RAB3IP: variants seen among roughly 807,000 people sequenced by gnomAD.
RAB3IP encodes the protein RAB3A interacting protein.
A neutral mutation model predicts 59.1 loss-of-function variants in RAB3IP; 36 were observed. The observed-to-expected ratio is 0.61, with a 90% CI of 0.47 to 0.80. The LOEUF is 0.80. Ranked by LOEUF, RAB3IP falls within the 30% of genes least tolerant of loss-of-function variation. The pLI, the probability that RAB3IP is intolerant of heterozygous loss-of-function variation, is 0.00. For missense variants in RAB3IP, 511 were observed against 536.0 expected (o/e 0.95, Z 0.46); for synonymous variants, 207 against 191.2 (o/e 1.08, Z -0.68).
chr12:69,806,582 T>A (rs1211783091), intron 8 of RAB3IP, among the ~76,000 whole-genome samples: 2 of 147,378 alleles, frequency 1.4e-5, no homozygotes, highest in African/African-American at 4.9e-5. Context: ...TTTTTTTTTT[T>A]TTTTTTTTTT....
chr12:69,769,354 C>T (rs1872739491), intron 3 of RAB3IP, among the ~76,000 whole-genome samples: 1 of 152,172 alleles, frequency 6.6e-6, no homozygotes, highest in Non-Finnish European at 1.5e-5. Flanking sequence ...TCCAAGTTAA[C>T]TCCAGGGATT....
intron 3 of RAB3IP, among the ~76,000 whole-genome samples, chr12:69,779,684 ATTTTTT>A (rs34446445): frequency 7.0e-6 from 1 of 143,756 alleles, no homozygotes; most frequent in African/African-American, 2.5e-5. Context: ...TAGCTAGGGA[ATTTTTT>A]TTTTTTTTTC....
intron 3 of RAB3IP, among the ~76,000 whole-genome samples, chr12:69,782,357 G>T (rs1202392985): frequency 6.6e-6 from 1 of 152,142 alleles, no homozygotes; most frequent in Non-Finnish European, 1.5e-5. Context: ...TAGAGACGGG[G>T]TTTCACCATG....
At chr12:69,771,765 G>A (rs1328196533) in intron 3 of RAB3IP, among the ~76,000 whole-genome samples, 1 of 152,170 alleles carries the variant, frequency 6.6e-6, no homozygotes, top group South Asian at 2.1e-4. Flanking sequence ...CACCAACACT[G>A]TATGAAAGAT....
chr12:69,789,078 A>C (rs182172210), intron 4 of RAB3IP, among the ~76,000 whole-genome samples: 38 of 152,148 alleles, frequency 2.5e-4, no homozygotes, highest in African/African-American at 8.7e-4. Context: ...TACATTAAAA[A>C]AGAAGAACAA....
intron 8 of RAB3IP, among the ~76,000 whole-genome samples, chr12:69,802,634 T>C (rs1038465659): frequency 1.3e-5 from 2 of 152,214 alleles, no homozygotes; most frequent in African/African-American, 4.8e-5. Flanking sequence ...CTGGAAAGAC[T>C]GAGAGAGCTC....
intron 3 of RAB3IP, among the ~76,000 whole-genome samples, chr12:69,762,756 C>CAAAAAAA (rs11445702): frequency 5.5e-3 from 424 of 76,546 alleles, no homozygotes; most frequent in East Asian, 0.011. Flanking sequence ...GACTCCGTCT[C>CAAAAAAA]AAAAAAAAAA....
intron 8 of RAB3IP, among the ~76,000 whole-genome samples, chr12:69,810,081 A>C (rs918172145): frequency 6.6e-6 from 1 of 152,092 alleles, no homozygotes. Context: ...TTTTTGGTGC[A>C]GATGTCCTTT....
intron 3 of RAB3IP, among the ~76,000 whole-genome samples, chr12:69,765,715 G>C (rs549034987): frequency 6.6e-6 from 1 of 152,326 alleles, no homozygotes; most frequent in South Asian, 2.1e-4. Context: ...CAGGTGCTTT[G>C]AATGCATGGA....
intron 1 of RAB3IP, among the ~76,000 whole-genome samples, chr12:69,752,176 C>T (rs529618846): frequency 1.3e-5 from 2 of 151,408 alleles, no homozygotes; most frequent in African/African-American, 2.4e-5. Flanking sequence ...GCTAATTTTA[C>T]AACTTTTTGT....
chr12:69,751,437 G>C (rs1349915216), intron 1 of RAB3IP, among the ~76,000 whole-genome samples: 4 of 152,094 alleles, frequency 2.6e-5, no homozygotes, highest in Non-Finnish European at 5.9e-5. Flanking sequence ...GGTGCGCATG[G>C]CTCCTGAGTT....
At chr12:69,755,925 G>C (rs2136127726) in intron 2 of RAB3IP, among the ~76,000 whole-genome samples, 1 of 152,324 alleles carries the variant, frequency 6.6e-6, no homozygotes, top group East Asian at 1.9e-4. Flanking sequence ...AGCAGCCATA[G>C]ACAGTATGTA....
chr12:69,749,847 A>G (rs2136111205), intron 1 of RAB3IP, among the ~76,000 whole-genome samples: 1 of 152,254 alleles, frequency 6.6e-6, no homozygotes, highest in Non-Finnish European at 1.5e-5. Context: ...CTCCTACTCT[A>G]ATAGGCTGTT....
In RAB3IP at chr12:69,808,065, C is replaced by T. The variant is rs376321597; in HGVS notation, c.1131-4713C>T. 1.8e-4 allele frequency among the ~76,000 whole-genome samples: 28 copies of T among 152,296 alleles called. No individual in the cohort carries two copies. In the East Asian group the frequency reaches 2.9e-3, roughly 16 times the overall value. On this transcript the variant is annotated intron_variant, in intron 8 of 10. Coordinates refer to ENST00000247833, the MANE Select transcript of RAB3IP (RefSeq NM_022456.5). ...TTCCCTCTACACACTGCTTTGAATGCGTCCCAGAGATTCTGGTATGTTGTG... is the reference window on the plus strand; with the variant it reads ...TTCCCTCTACACACTGCTTTGAATGTGTCCCAGAGATTCTGGTATGTTGTG...
At chr12:69,742,085 C>T (rs1022820191) in intron 1 of RAB3IP, among the ~76,000 whole-genome samples, 4 of 152,038 alleles carry the variant, frequency 2.6e-5, no homozygotes, top group Non-Finnish European at 5.9e-5. Context: ...AAATGTAGAA[C>T]GCACTTTACA....
chr12:69,814,540 A>G (rs938018170), intron 10 of RAB3IP, among the ~76,000 whole-genome samples: 1 of 151,994 alleles, frequency 6.6e-6, no homozygotes, highest in Non-Finnish European at 1.5e-5. Context: ...GGTCTTGTGC[A>G]TTTGTAAGAT....
intron 3 of RAB3IP, among the ~76,000 whole-genome samples, chr12:69,783,677 C>A (rs183547161): frequency 6.6e-6 from 1 of 152,310 alleles, no homozygotes; most frequent in East Asian, 1.9e-4. Context: ...GATTTGCTCT[C>A]CGAGTTTTCT....
At chr12:69,814,809 C>T (rs1040967700) in intron 10 of RAB3IP, among the ~76,000 whole-genome samples, 1 of 152,122 alleles carries the variant, frequency 6.6e-6, no homozygotes, top group Non-Finnish European at 1.5e-5. Context: ...TGGGAACTTA[C>T]AAAAGTATAG....
intron 3 of RAB3IP, among the ~76,000 whole-genome samples, chr12:69,772,024 GGAGT>G (rs751323649): frequency 7.9e-5 from 12 of 152,030 alleles, no homozygotes; most frequent in Non-Finnish European, 1.6e-4. Context: ...TCCGTTTCTG[GGAGT>G]GAGTGAGTAC....
Sources: allele counts gnomAD v4.1 joint callset (sites outside exome capture counted in the v4.1 genomes callset), GRCh38; gene constraint gnomAD v4.1.1; transcripts MANE v1.5; gene names NCBI Gene and HGNC (gene_info 2026-07-23, HGNC 2026-07-21).